The following DSCAM variants were observed in gnomAD, a reference collection of about 807,000 sequenced individuals.
DSCAM encodes the protein cell adhesion molecule DSCAM.
Under a neutral mutation model 217.7 loss-of-function variants are expected in DSCAM, and 47 were observed. The observed-to-expected ratio is 0.22, with a 90% CI of 0.17 to 0.28. The LOEUF is 0.28. DSCAM is among the 10% of genes least tolerant of loss of function. DSCAM has a pLI of 1.00. For synonymous variants in DSCAM, 1,056 were observed against 1,015.3 expected, an observed-to-expected ratio of 1.04 and a Z score of -0.76; for missense variants, 2,080 against 2,618.3, an observed-to-expected ratio of 0.79 and a Z score of 4.49.
At chr21:40,796,532 TGCTGCCTC>T (rs2091693505) in intron 1 of DSCAM, among the ~76,000 whole-genome samples, 1 of 152,218 alleles carries the variant, frequency 6.6e-6, no homozygotes, top group African/African-American at 2.4e-5. Flanking sequence ...CATGTTACTA[TGCTGCCTC>T]ACTAAGCATA....
intron 3 of DSCAM, among the ~76,000 whole-genome samples, chr21:40,543,848 C>T (rs2076560500): frequency 6.6e-6 from 1 of 152,044 alleles, no homozygotes; most frequent in African/African-American, 2.4e-5. Flanking sequence ...AGTTTTATTT[C>T]ATATAAATTT....
chr21:40,413,689 A>T (rs921667144), intron 3 of DSCAM, among the ~76,000 whole-genome samples: 13 of 152,222 alleles, frequency 8.5e-5, no homozygotes, highest in African/African-American at 3.1e-4. Context: ...AAGGATTTAG[A>T]CTACTTGGTT....
intron 1 of DSCAM, among the ~76,000 whole-genome samples, chr21:40,741,173 T>G (rs2091119777): frequency 6.6e-6 from 1 of 152,220 alleles, no homozygotes; most frequent in African/African-American, 2.4e-5. Context: ...CATGAGACTC[T>G]GACATGCTGA....
chr21:40,322,864 G>T (rs563962752), intron 8 of DSCAM, among the ~76,000 whole-genome samples: 2 of 152,120 alleles, frequency 1.3e-5, no homozygotes, highest in Non-Finnish European at 2.9e-5. Context: ...TTAGGAAAAG[G>T]TGTTTAAGAC....
At chr21:40,667,189 T>C (rs1443003679) in intron 3 of DSCAM, among the ~76,000 whole-genome samples, 5 of 152,104 alleles carry the variant, frequency 3.3e-5, no homozygotes, top group Non-Finnish European at 5.9e-5. Flanking sequence ...TCAATAAAAA[T>C]AATATCTCAG....
intron 1 of DSCAM, among the ~76,000 whole-genome samples, chr21:40,839,870 C>T (rs1043187108): frequency 1.2e-4 from 19 of 152,044 alleles, no homozygotes; most frequent in African/African-American, 4.6e-4. Flanking sequence ...TTCATTAATC[C>T]CTGTCATTCT....
In DSCAM at chr21:40,163,070, A is replaced by AACACACACACACACAC. The variant is rs3069756; in HGVS notation, c.3018+4132_3018+4147dup. Among the ~76,000 whole-genome samples the AACACACACACACACAC allele has an allele frequency of 4.7e-3, 667 of 143,212 alleles. 2 individuals are homozygous for AACACACACACACACAC. Among genetic ancestry groups the AACACACACACACACAC allele is most frequent in the African/African-American group, 0.012 (474 of 38,390 alleles). 94.0% of individuals were successfully genotyped at this position (143,212 alleles called of 152,430 possible). On this transcript the variant is annotated intron_variant, in intron 16 of 32. Transcript: ENST00000400454. Reference sequence around the variant, plus strand: ...TTTTATTTTATGAGTGACCATGGCAAACACACACACACACACACACACACA... The same window carrying AACACACACACACACAC: ...TTTTATTTTATGAGTGACCATGGCAAACACACACACACACACACACACACACACACACACACACACA...
chr21:40,831,170 C>T (rs932600600), intron 1 of DSCAM, among the ~76,000 whole-genome samples: 8 of 152,238 alleles, frequency 5.3e-5, no homozygotes, highest in African/African-American at 1.9e-4. Context: ...ATTTTCATCA[C>T]ATTTGGACAA....
chr21:40,504,718 C>G (rs553825306), intron 3 of DSCAM, among the ~76,000 whole-genome samples: 1 of 152,282 alleles, frequency 6.6e-6, no homozygotes, highest in South Asian at 2.1e-4. Context: ...TGGACTCCCC[C>G]TTGAATGGTT....
intron 11 of DSCAM, among the ~76,000 whole-genome samples, chr21:40,200,342 A>G (rs1341925311): frequency 1.3e-5 from 2 of 152,166 alleles, no homozygotes; most frequent in East Asian, 3.9e-4. Flanking sequence ...TCACCATTCT[A>G]CTTTCCGTCT....
In DSCAM at chr21:40,011,792, G is replaced by A. The variant is rs573324880; in HGVS notation, c.*1242C>T. 2.6e-5 allele frequency: 4 copies of A among 152,310 alleles called. No individual in the cohort carries two copies. The highest frequency in any genetic ancestry group is 9.6e-5 in the African/African-American group (4 of 41,570). 9.4% of individuals were successfully genotyped at this position (152,310 alleles called of 1,614,324 possible). ...AGAGGATTCAGGCAATGTTTATTAA[G>A]ATGGTCTATCACAAATTTGCATACC... On this transcript the variant is annotated 3_prime_UTR_variant, in exon 33 of 33. Coordinates refer to ENST00000400454, the MANE Select transcript of DSCAM (RefSeq NM_001389.5).
chr21:40,411,870 T>C (rs866625251), intron 3 of DSCAM, among the ~76,000 whole-genome samples: 7 of 152,242 alleles, frequency 4.6e-5, no homozygotes, highest in Admixed American at 1.3e-4. Flanking sequence ...TAATATGGTT[T>C]GGCTCTGTGT....
chr21:40,101,026 G>A (rs1214780926), intron 20 of DSCAM, among the ~76,000 whole-genome samples: 3 of 152,224 alleles, frequency 2.0e-5, no homozygotes. Flanking sequence ...ACATTACGAA[G>A]TTGCCGCCAG....
intron 3 of DSCAM, among the ~76,000 whole-genome samples, chr21:40,461,331 T>C (rs1009650022): frequency 1.3e-5 from 2 of 152,106 alleles, no homozygotes; most frequent in Non-Finnish European, 2.9e-5. Context: ...ATTATAACAA[T>C]AATAATAACA....
At chr21:40,436,546 C>T (rs1042657159) in intron 3 of DSCAM, among the ~76,000 whole-genome samples, 6 of 152,110 alleles carry the variant, frequency 3.9e-5, no homozygotes, top group Non-Finnish European at 8.8e-5. Flanking sequence ...ATTCTTAACT[C>T]TCCACTGAGT....
intron 3 of DSCAM, among the ~76,000 whole-genome samples, chr21:40,395,398 G>A (rs983605650): frequency 1.3e-5 from 2 of 150,868 alleles, no homozygotes; most frequent in African/African-American, 2.4e-5. Context: ...GTAAAATGAC[G>A]CATGTTTTTT....
At chr21:40,769,916 C>T (rs1039597908) in intron 1 of DSCAM, among the ~76,000 whole-genome samples, 7 of 152,202 alleles carry the variant, frequency 4.6e-5, no homozygotes, top group Non-Finnish European at 1.0e-4. Context: ...ATTCCATCCA[C>T]TGATCCCCAC....
At chr21:40,324,132 G>GAAAAGA (rs1569063897) in intron 8 of DSCAM, among the ~76,000 whole-genome samples, 6 of 80,156 alleles carry the variant, frequency 7.5e-5, no homozygotes, top group South Asian at 4.2e-4. Flanking sequence ...AAAAAAAAAA[G>GAAAAGA]AAAAAAAAAA....
At chr21:40,079,042 G>T in intron 25 of DSCAM, 65 bp from the exon 26 acceptor site, 2 of 1,554,518 alleles carry the variant, frequency 1.3e-6, no homozygotes, top group Admixed American at 3.6e-5. Flanking sequence ...GCATCTTCAC[G>T]CATTTCCCTC....
Sources: gnomAD v4.1 joint callset for allele counts (sites outside exome capture counted in the v4.1 genomes callset) on GRCh38, gnomAD v4.1.1 for gene constraint, MANE v1.5 for transcripts, NCBI Gene and HGNC (gene_info 2026-07-23, HGNC 2026-07-21) for gene names.